Variants in IL1RAPL2 observed in about 807,000 individuals in gnomAD.
The protein encoded by IL1RAPL2 is X-linked interleukin-1 receptor accessory protein-like 2.
A neutral mutation model predicts 44.1 loss-of-function variants in IL1RAPL2; 3 were observed. That is an observed-to-expected ratio of 0.07 (90% confidence interval 0.03 to 0.18). IL1RAPL2 has a LOEUF of 0.18. IL1RAPL2 is among the 10% of genes least tolerant of loss of function. The pLI, the probability that IL1RAPL2 is intolerant of heterozygous loss-of-function variation, is 1.00. For synonymous variants in IL1RAPL2, 181 were observed against 178.8 expected, an observed-to-expected ratio of 1.01 and a Z score of -0.10; for missense variants, 391 against 496.4, an observed-to-expected ratio of 0.79 and a Z score of 2.02.
intron 2 of IL1RAPL2, among the ~76,000 whole-genome samples, chrX:104,748,084 C>T (rs767554212): frequency 9.0e-5 from 10 of 111,150 alleles, no homozygotes; most frequent in Non-Finnish European, 1.9e-4. Flanking sequence ...GGTAACTGTG[C>T]GGTCATGTAT....
intron 10 of IL1RAPL2, among the ~76,000 whole-genome samples, chrX:105,766,135 T>A (rs1489772388): frequency 4.5e-5 from 5 of 112,352 alleles, no homozygotes; most frequent in Non-Finnish European, 9.4e-5. Flanking sequence ...AAGCCATAGA[T>A]AACATATTCA....
At position 104,695,011 on chromosome X, in the gene IL1RAPL2, G is replaced by C. The variant is rs371058387; in HGVS notation, c.82+36016G>C. ...AAACTGATAATGTCCAGCCTCAGCT[G>C]GGCTCTCACTGTCACTCAACAATCC... On this transcript the variant is annotated intron_variant, in intron 2 of 10. Transcript: ENST00000372582. 3.2e-4 allele frequency among the ~76,000 whole-genome samples: 36 copies of C among 112,187 alleles called. No individual in the cohort carries two copies. The South Asian group carries it at 0.012, about 39-fold the overall frequency.
chrX:105,256,568 A>G (rs1412072952), intron 4 of IL1RAPL2, among the ~76,000 whole-genome samples: 1 of 110,624 alleles, frequency 9.0e-6, no homozygotes, highest in Non-Finnish European at 1.9e-5. Flanking sequence ...AGCTCAGGCA[A>G]TCCACCTGCC....
At chrX:105,476,972 C>T (rs1308465594) in intron 5 of IL1RAPL2, among the ~76,000 whole-genome samples, 2 of 112,051 alleles carry the variant, frequency 1.8e-5, no homozygotes, top group Non-Finnish European at 3.8e-5. Flanking sequence ...GGACTAAAGT[C>T]TTTCATTCCA....
chrX:104,919,468 G>T (rs1261629139), intron 2 of IL1RAPL2, among the ~76,000 whole-genome samples: 3 of 105,334 alleles, frequency 2.8e-5, no homozygotes, highest in African/African-American at 1.0e-4. Context: ...CAGGTGATCT[G>T]CCTGCCTTGG....
chrX:104,853,902 CAAAAA>C (rs11364619), intron 2 of IL1RAPL2, among the ~76,000 whole-genome samples: 1 of 43,738 alleles, frequency 2.3e-5, no homozygotes. Flanking sequence ...GACTCCGTCT[CAAAAA>C]AAAAAAAAAA....
chrX:104,861,269 A>G (rs1435030605), intron 2 of IL1RAPL2, among the ~76,000 whole-genome samples: 4 of 111,520 alleles, frequency 3.6e-5, no homozygotes, highest in African/African-American at 1.3e-4. Context: ...TTCTTTAACA[A>G]TCCAATTATT....
intron 5 of IL1RAPL2, among the ~76,000 whole-genome samples, chrX:105,300,669 A>G (rs2034690014): frequency 9.0e-6 from 1 of 110,975 alleles, no homozygotes; most frequent in African/African-American, 3.3e-5. Context: ...CCAAAATGCC[A>G]TATTTGGGGG....
At chrX:105,100,453 C>T (rs890988686) in intron 2 of IL1RAPL2, among the ~76,000 whole-genome samples, 3 of 111,880 alleles carry the variant, frequency 2.7e-5, no homozygotes, top group African/African-American at 9.7e-5. Context: ...CTGGTGACCT[C>T]AGTTTGGGGT....
chrX:105,058,525 T>C (rs1450245654), intron 2 of IL1RAPL2, among the ~76,000 whole-genome samples: 1 of 112,420 alleles, frequency 8.9e-6, no homozygotes, highest in African/African-American at 3.2e-5. Flanking sequence ...ACTTAACCTC[T>C]TCCTTTCTGT....
intron 1 of IL1RAPL2, among the ~76,000 whole-genome samples, chrX:104,607,669 A>C (rs1984383466): frequency 1.8e-5 from 2 of 112,364 alleles, no homozygotes; most frequent in African/African-American, 3.2e-5. Flanking sequence ...AATGCAAATC[A>C]AAACCACAGT....
At chrX:104,849,526 A>G (rs1922168147) in intron 2 of IL1RAPL2, among the ~76,000 whole-genome samples, 1 of 108,205 alleles carries the variant, frequency 9.2e-6, no homozygotes, top group Admixed American at 9.9e-5. Flanking sequence ...ATAGCCTTAA[A>G]TATATGAGCG....
intron 6 of IL1RAPL2, among the ~76,000 whole-genome samples, chrX:105,633,210 C>T (rs1441464563): frequency 9.0e-6 from 1 of 111,275 alleles, no homozygotes; most frequent in East Asian, 2.9e-4. Context: ...ATCAAGAGAT[C>T]TTTTAGATAA....
At chrX:104,631,582 A>G (rs1370350902) in intron 1 of IL1RAPL2, among the ~76,000 whole-genome samples, 26 of 111,946 alleles carry the variant, frequency 2.3e-4, no homozygotes, top group African/African-American at 6.5e-4. Flanking sequence ...CATTTCTCTG[A>G]TGGCCAGTGA....
chrX:105,171,600 T>C (rs1294265765), intron 2 of IL1RAPL2, among the ~76,000 whole-genome samples: 1 of 110,329 alleles, frequency 9.1e-6, no homozygotes, highest in East Asian at 2.9e-4. Flanking sequence ...TCATATAGAA[T>C]GTGGCACAGC....
At chrX:105,012,788 G>A (rs1447723525) in intron 2 of IL1RAPL2, among the ~76,000 whole-genome samples, 1 of 110,351 alleles carries the variant, frequency 9.1e-6, no homozygotes, top group Admixed American at 9.7e-5. Flanking sequence ...ATTGGTCAAT[G>A]AAGTCAGATT....
At chrX:104,933,070 A>G (rs902317142) in intron 2 of IL1RAPL2, among the ~76,000 whole-genome samples, 22 of 111,970 alleles carry the variant, frequency 2.0e-4, no homozygotes, top group African/African-American at 6.8e-4. Context: ...AGAAATTTCC[A>G]CTAGCTAAAA....
chrX:105,042,839 CAAT>C (rs1317561135), intron 2 of IL1RAPL2, among the ~76,000 whole-genome samples: 2 of 107,475 alleles, frequency 1.9e-5, no homozygotes, highest in African/African-American at 6.8e-5. Flanking sequence ...AAATGTCCAA[CAAT>C]GATAGAGTGG....
At chrX:104,831,121 A>G (rs991563648) in intron 2 of IL1RAPL2, among the ~76,000 whole-genome samples, 3 of 111,894 alleles carry the variant, frequency 2.7e-5, no homozygotes, top group Admixed American at 1.9e-4. Flanking sequence ...CAAGATAATT[A>G]TTAAACAATA....
Sources: allele counts gnomAD v4.1 joint callset (sites outside exome capture counted in the v4.1 genomes callset), GRCh38; gene constraint gnomAD v4.1.1; transcripts MANE v1.5; gene names NCBI Gene and HGNC (gene_info 2026-07-23, HGNC 2026-07-21).